Variants in STXBP5L observed in about 807,000 individuals in gnomAD.
STXBP5L encodes the protein syntaxin-binding protein 5-like.
Under a neutral mutation model 144.5 loss-of-function variants are expected in STXBP5L, and 65 were observed. That is an observed-to-expected ratio of 0.45 (90% confidence interval 0.37 to 0.55). The LOEUF (loss-of-function observed/expected upper bound fraction) is 0.55, where lower values mean the gene tolerates loss of function less well. Ranked by LOEUF, STXBP5L falls within the 20% of genes least tolerant of loss-of-function variation. The probability of loss-of-function intolerance (pLI) is 0.00; values close to 1 mark genes in which losing one functional copy is unlikely to be tolerated. For missense variants in STXBP5L, 1,298 were observed against 1,405.5 expected, an observed-to-expected ratio of 0.92 and a Z score of 1.22; for synonymous variants, 505 against 469.6, an observed-to-expected ratio of 1.08 and a Z score of -0.97.
intron 14 of STXBP5L, 64 bp from the exon 15 acceptor site, chr3:121,250,659 A>G: frequency 1.5e-6 from 2 of 1,360,756 alleles, no homozygotes; most frequent in Non-Finnish European, 1.0e-6. Context: ...GTTTCTGTAC[A>G]TTTGGAGTGA....
chr3:120,973,698 C>A (rs1446604483), intron 3 of STXBP5L, among the ~76,000 whole-genome samples: 2 of 151,802 alleles, frequency 1.3e-5, no homozygotes, highest in African/African-American at 4.8e-5. Flanking sequence ...CCCCCATCCC[C>A]CCACCCCACA....
chr3:121,099,566 G>T (rs1456506373), intron 5 of STXBP5L: 1 of 153,134 alleles, frequency 6.5e-6, no homozygotes, highest in Non-Finnish European at 1.5e-5. Flanking sequence ...TGACACACAT[G>T]AGAGCTCAGA....
intron 19 of STXBP5L, among the ~76,000 whole-genome samples, chr3:121,299,441 T>A (rs2051798240): frequency 6.6e-6 from 1 of 152,126 alleles, no homozygotes; most frequent in African/African-American, 2.4e-5. Context: ...TTGGACTTTT[T>A]GAATAAAAAG....
At chr3:121,331,807 GA>G (rs1175414284) in intron 20 of STXBP5L, among the ~76,000 whole-genome samples, 1 of 152,036 alleles carries the variant, frequency 6.6e-6, no homozygotes, top group Non-Finnish European at 1.5e-5. Context: ...AAATGTTGGG[GA>G]AAAAAATAAC....
chr3:121,199,421 C>G (rs541550099), intron 9 of STXBP5L, among the ~76,000 whole-genome samples: 1 of 152,176 alleles, frequency 6.6e-6, no homozygotes, highest in Non-Finnish European at 1.5e-5. Flanking sequence ...ATCTTGTCAT[C>G]TGCAAACAGA....
At chr3:120,992,726 T>C (rs557630479) in intron 3 of STXBP5L, among the ~76,000 whole-genome samples, 2 of 152,290 alleles carry the variant, frequency 1.3e-5, no homozygotes, top group South Asian at 4.1e-4. Context: ...AGCTTGATTC[T>C]ATATCTTTGC....
At chr3:120,970,775 C>G (rs780781913) in intron 3 of STXBP5L, among the ~76,000 whole-genome samples, 1 of 152,014 alleles carries the variant, frequency 6.6e-6, no homozygotes, top group Non-Finnish European at 1.5e-5. Flanking sequence ...TCTTTTTCTT[C>G]GTGTCTCCTG....
chr3:121,013,935 A>T (rs1385648925), intron 3 of STXBP5L, among the ~76,000 whole-genome samples: 1 of 152,034 alleles, frequency 6.6e-6, no homozygotes, highest in Non-Finnish European at 1.5e-5. Context: ...TTTGTCAAAG[A>T]TCAGATGGTT....
intron 2 of STXBP5L, among the ~76,000 whole-genome samples, chr3:120,910,374 A>G (rs1020782286): frequency 2.0e-5 from 3 of 152,218 alleles, no homozygotes; most frequent in Admixed American, 1.3e-4. Context: ...TTTGATATTG[A>G]ACTTCTAATG....
At chr3:121,281,945 A>G (rs2051074351) in intron 19 of STXBP5L, among the ~76,000 whole-genome samples, 1 of 151,656 alleles carries the variant, frequency 6.6e-6, no homozygotes, top group South Asian at 2.1e-4. Context: ...TATTTTGTAA[A>G]AACATATAAG....
intron 9 of STXBP5L, chr3:121,157,830 C>T: frequency 3.3e-6 from 2 of 613,260 alleles, no homozygotes; most frequent in Non-Finnish European, 5.1e-6. Flanking sequence ...AACCCACATC[C>T]CTGTTTTGTA....
chr3:121,109,731 C>G (rs995417871), intron 5 of STXBP5L, among the ~76,000 whole-genome samples: 67 of 152,044 alleles, frequency 4.4e-4, no homozygotes, highest in Middle Eastern at 3.2e-3. Context: ...ATACCCAGAC[C>G]AACTTAAGCC....
At chr3:121,257,786 G>A (rs1169858262) in intron 17 of STXBP5L, among the ~76,000 whole-genome samples, 1 of 152,138 alleles carries the variant, frequency 6.6e-6, no homozygotes, top group Non-Finnish European at 1.5e-5. Flanking sequence ...TTAACTGGGT[G>A]TGATGGTACA....
At chr3:121,107,645 T>C (rs1422845458) in intron 5 of STXBP5L, among the ~76,000 whole-genome samples, 1 of 152,180 alleles carries the variant, frequency 6.6e-6, no homozygotes, top group African/African-American at 2.4e-5. Context: ...TTGGGTATCA[T>C]GGTGCCTGCA....
chr3:121,000,313 C>CT (rs1943669601), intron 3 of STXBP5L, among the ~76,000 whole-genome samples: 3 of 152,112 alleles, frequency 2.0e-5, no homozygotes, highest in Admixed American at 6.5e-5. Context: ...CTTTTACATT[C>CT]TTTTTTCCTT....
chr3:121,055,591 G>A (rs746952298), intron 5 of STXBP5L, among the ~76,000 whole-genome samples: 5 of 151,930 alleles, frequency 3.3e-5, no homozygotes, highest in African/African-American at 4.8e-5. Flanking sequence ...GCTCACTGCA[G>A]CCTCAAACTC....
intron 22 of STXBP5L, among the ~76,000 whole-genome samples, chr3:121,388,493 A>G (rs1020494304): frequency 6.6e-6 from 1 of 152,160 alleles, no homozygotes; most frequent in African/African-American, 2.4e-5. Context: ...GAATGCTTCC[A>G]GTTTTTGCCC....
At chr3:121,076,875 C>T (rs1238189330) in intron 5 of STXBP5L, among the ~76,000 whole-genome samples, 1 of 152,114 alleles carries the variant, frequency 6.6e-6, no homozygotes, top group Admixed American at 6.5e-5. Flanking sequence ...CAGACTGGGT[C>T]CTATTACAGG....
At position 121,314,679 on chromosome 3, in the gene STXBP5L, C is replaced by T. The variant is rs555723499; in HGVS notation, c.2111-3796C>T. Among the ~76,000 whole-genome samples the T allele has an allele frequency of 4.2e-3, 639 of 152,084 alleles. 4 individuals carry two copies. The highest frequency in any genetic ancestry group is 0.015 in the African/African-American group (609 of 41,466). On this transcript the variant is annotated intron_variant, in intron 19 of 26. Transcript: ENST00000471454. ...AGCTTCTGCACAGCAAAAGAAACTA[C>T]CATCAGAGTGAACAGGCAACCTACA...
Sources: gnomAD v4.1 joint callset for allele counts (sites outside exome capture counted in the v4.1 genomes callset) on GRCh38, gnomAD v4.1.1 for gene constraint, MANE v1.5 for transcripts, NCBI Gene and HGNC (gene_info 2026-07-23, HGNC 2026-07-21) for gene names.